PTPRN2: variants seen among roughly 807,000 people sequenced by gnomAD.
PTPRN2 encodes the protein receptor-type tyrosine-protein phosphatase N2.
Under a neutral mutation model 118.8 loss-of-function variants are expected in PTPRN2, and 74 were observed. The ratio of observed to expected loss-of-function variants is 0.62; its 90% CI spans 0.52 to 0.76. PTPRN2 has a LOEUF of 0.76. Ranked by LOEUF, PTPRN2 falls within the 30% of genes least tolerant of loss-of-function variation. The probability of loss-of-function intolerance (pLI) is 0.00; values close to 1 mark genes in which losing one functional copy is unlikely to be tolerated. For missense variants in PTPRN2, 1,481 were observed against 1,394.4 expected (o/e 1.06, Z -0.99); for synonymous variants, 641 against 608.0 (o/e 1.05, Z -0.80).
intron 10 of PTPRN2, among the ~76,000 whole-genome samples, chr7:158,104,922 A>T (rs12698142): frequency 1.3e-4 from 14 of 107,460 alleles, no homozygotes; most frequent in Admixed American, 3.0e-4. Context: ...CCAAGTCCAC[A>T]CAGCTCCATC....
At chr7:157,828,859 C>T (rs911943746) in intron 12 of PTPRN2, among the ~76,000 whole-genome samples, 2 of 152,230 alleles carry the variant, frequency 1.3e-5, no homozygotes, top group African/African-American at 2.4e-5. Context: ...ATTTGCGTAA[C>T]CCCCTATAAA....
chr7:158,428,035 T>G (rs548641511), intron 2 of PTPRN2, among the ~76,000 whole-genome samples: 5 of 151,232 alleles, frequency 3.3e-5, no homozygotes, highest in African/African-American at 9.7e-5. Flanking sequence ...CCTAGCTGAG[T>G]CCTGCATACC....
chr7:157,733,877 T>G (rs74203607), intron 12 of PTPRN2, among the ~76,000 whole-genome samples: 4 of 48,062 alleles, frequency 8.3e-5, no homozygotes, highest in East Asian at 4.7e-4. Context: ...GTTACTCTTT[T>G]CCGTCCCATG....
intron 11 of PTPRN2, among the ~76,000 whole-genome samples, chr7:158,069,177 C>T (rs1020774212): frequency 4.6e-5 from 7 of 152,078 alleles, no homozygotes; most frequent in Non-Finnish European, 8.8e-5. Flanking sequence ...GCTCAAGATC[C>T]TCTCCCATTC....
intron 10 of PTPRN2, among the ~76,000 whole-genome samples, chr7:158,086,987 C>T (rs908215173): frequency 6.6e-6 from 1 of 152,198 alleles, no homozygotes; most frequent in Admixed American, 6.5e-5. Context: ...CCGCCACTTC[C>T]TCGCGGGGCG....
intron 2 of PTPRN2, among the ~76,000 whole-genome samples, chr7:158,333,898 ACCCG>A (rs1805032007): frequency 8.7e-5 from 10 of 114,380 alleles, no homozygotes; most frequent in African/African-American, 2.9e-4. Flanking sequence ...AAGAGCTGAC[ACCCG>A]CAGACGTCAC....
chr7:157,977,719 G>A lies in PTPRN2; in HGVS notation c.1724-78982C>T, dbSNP rs905940441. ...ACCTGTGAGCAGGGGAGGTGGGGGC[G>A]GGAGGAAGTGAGAGGTAGGATCTGG... is the stretch of plus-strand genomic sequence containing the variant. On this transcript the variant is annotated intron_variant, in intron 11 of 22. Coordinates refer to ENST00000389418, the MANE Select transcript of PTPRN2 (RefSeq NM_002847.5). This position sits in a 1 kb window ranked among gnomAD's most constrained non-coding sequence, Gnocchi z 4.6. Among the ~76,000 whole-genome samples, 7 of 151,794 alleles carry A rather than the reference G, an allele frequency of 4.6e-5. No individual in the cohort carries two copies. Among genetic ancestry groups the A allele is most frequent in the South Asian group, 2.1e-4 (1 of 4,810 alleles).
At chr7:158,474,894 C>G (rs988242685) in intron 2 of PTPRN2, among the ~76,000 whole-genome samples, 1 of 152,208 alleles carries the variant, frequency 6.6e-6, no homozygotes, top group African/African-American at 2.4e-5. Flanking sequence ...ACTGTGCACA[C>G]TGCGTTCTGC....
intron 6 of PTPRN2, 42 bp from the exon 7 acceptor site, chr7:158,138,557 G>A (rs766874852): frequency 4.5e-5 from 71 of 1,574,266 alleles, no homozygotes; most frequent in Middle Eastern, 1.7e-4. Context: ...GTGGGTGGAC[G>A]AATGCAAAGG....
intron 6 of PTPRN2, among the ~76,000 whole-genome samples, chr7:158,164,551 ACG>A (rs1822755217): frequency 7.4e-4 from 2 of 2,720 alleles, no homozygotes; most frequent in African/African-American, 4.9e-3. Flanking sequence ...GAAGGCGCGC[ACG>A]TAGGGAAGGC....
At chr7:158,341,502 G>T (rs1400711942) in intron 2 of PTPRN2, among the ~76,000 whole-genome samples, 20 of 111,668 alleles carry the variant, frequency 1.8e-4, no homozygotes, top group Admixed American at 2.8e-4. Context: ...GGTGACACGT[G>T]CAGACGTCAC....
intron 11 of PTPRN2, among the ~76,000 whole-genome samples, chr7:158,042,613 C>T (rs1276014688): frequency 2.6e-5 from 4 of 152,220 alleles, no homozygotes; most frequent in Non-Finnish European, 5.9e-5. Flanking sequence ...CTGTGTGCTG[C>T]TGGTATCCTG....
chr7:158,205,131 G>A (rs781362656), intron 4 of PTPRN2, 40 bp downstream of exon 4: 4 of 1,475,836 alleles, frequency 2.7e-6, no homozygotes, highest in Non-Finnish European at 3.8e-6. Flanking sequence ...TATGGACTGT[G>A]TCCTGGGAGC....
chr7:158,268,748 C>CCGCA (rs1798081270), intron 3 of PTPRN2, among the ~76,000 whole-genome samples: 1 of 131,832 alleles, frequency 7.6e-6, no homozygotes. Flanking sequence ...CCCAGCCCAG[C>CCGCA]CGCACACAGG....
intron 3 of PTPRN2, among the ~76,000 whole-genome samples, chr7:158,214,010 C>A (rs1382259279): frequency 6.6e-6 from 1 of 152,058 alleles, no homozygotes; most frequent in African/African-American, 2.4e-5. Flanking sequence ...CTGTACTGGG[C>A]AGTCTGAGAG....
At chr7:157,739,962 C>T (rs1259554576) in intron 12 of PTPRN2, among the ~76,000 whole-genome samples, 3 of 152,246 alleles carry the variant, frequency 2.0e-5, no homozygotes, top group African/African-American at 7.2e-5. Context: ...AGCCAGGGTT[C>T]AGGGAGAGCG....
At chr7:158,395,994 G>A (rs914726741) in intron 2 of PTPRN2, among the ~76,000 whole-genome samples, 2 of 152,066 alleles carry the variant, frequency 1.3e-5, no homozygotes, top group Non-Finnish European at 2.9e-5. Flanking sequence ...GTCCCGCCGC[G>A]ACCCATGGGG....
At position 157,784,933 on chromosome 7, in the gene PTPRN2, T is replaced by C. The variant is rs1421648437; in HGVS notation, c.1789-101996A>G. 1.3e-5 allele frequency among the ~76,000 whole-genome samples: 2 copies of C among 152,122 alleles called. No homozygotes were observed. Among genetic ancestry groups the C allele is most frequent in the Admixed American group, 1.3e-4 (2 of 15,300 alleles). ...TCTGAGGAAACGCGCCCCTCCCCAG[T>C]GGCCAGGTGAGCAGTGGGGCTGGAG... is the stretch of plus-strand genomic sequence containing the variant. On this transcript the variant is annotated intron_variant, in intron 12 of 22. Transcript: ENST00000389418. The surrounding 1 kb of genome is among the most constrained non-coding windows in gnomAD (Gnocchi z 4.6).
intron 11 of PTPRN2, among the ~76,000 whole-genome samples, chr7:157,925,809 C>T (rs1405101052): frequency 6.6e-6 from 1 of 152,066 alleles, no homozygotes; most frequent in Non-Finnish European, 1.5e-5. Context: ...GCCACCGAGA[C>T]AATCAGGAAC....
Sources: allele counts gnomAD v4.1 joint callset (sites outside exome capture counted in the v4.1 genomes callset), GRCh38; gene constraint gnomAD v4.1.1; non-coding constraint Gnocchi (gnomAD v3.1); transcripts MANE v1.5; gene names NCBI Gene and HGNC (gene_info 2026-07-23, HGNC 2026-07-21).